USH2A: variants seen among roughly 807,000 people sequenced by gnomAD.
The protein encoded by USH2A is usherin.
USH2A carries 443 observed loss-of-function variants against 538.9 expected under a neutral mutation model. That is an observed-to-expected ratio of 0.82 (90% CI 0.76 to 0.89). The LOEUF (loss-of-function observed/expected upper bound fraction) is 0.89, where lower values mean the gene tolerates loss of function less well. Among genes scored for constraint, USH2A ranks in the 40% least tolerant of loss-of-function variants. The pLI is 0.00. For synonymous variants in USH2A, 2,413 were observed against 2,273.5 expected (o/e 1.06, Z -1.75); for missense variants, 6,633 against 6,324.8 (o/e 1.05, Z -1.65).
chr1:216,307,144 C>T (rs949769310), intron 9 of USH2A, among the ~76,000 whole-genome samples: 1 of 151,982 alleles, frequency 6.6e-6, no homozygotes, highest in Non-Finnish European at 1.5e-5. Flanking sequence ...GAGATTATGT[C>T]CTTTGTCTGG....
rs41277206 is a variant in USH2A at position 215,934,573 on chromosome 1, G to A, written c.7300+43C>T. The A allele has an allele frequency of 0.035, 56,222 of 1,584,404 alleles. 1,167 individuals are homozygous for A. Among genetic ancestry groups the A allele is most frequent in the Middle Eastern group, 0.065 (388 of 5,946 alleles). Reference sequence around the variant, plus strand: ...TATTCAATGGAAACTTAATTCTAGGGCATTTATATAAAATTAGATAGCCAA... The same window carrying A: ...TATTCAATGGAAACTTAATTCTAGGACATTTATATAAAATTAGATAGCCAA... On this transcript the variant is annotated intron_variant, in intron 38 of 71. Coordinates refer to ENST00000307340, the MANE Select transcript of USH2A (RefSeq NM_206933.4).
At chr1:216,100,982 A>G (rs2032564131) in intron 21 of USH2A, among the ~76,000 whole-genome samples, 5 of 152,184 alleles carry the variant, frequency 3.3e-5, no homozygotes, top group Non-Finnish European at 7.4e-5. Flanking sequence ...GCTATAGTAT[A>G]AAAAAAGGCA....
intron 47 of USH2A, among the ~76,000 whole-genome samples, chr1:215,832,438 C>T (rs548190903): frequency 1.3e-4 from 20 of 151,912 alleles, no homozygotes; most frequent in African/African-American, 3.4e-4. Flanking sequence ...TATGTCACAA[C>T]GAAGTTCTGG....
At chr1:216,089,232 A>C in intron 22 of USH2A, 93 bp from the exon 23 acceptor site, 3 of 1,346,472 alleles carry the variant, frequency 2.2e-6, no homozygotes, top group Non-Finnish European at 3.2e-6. Context: ...ACAAGTTTCA[A>C]GATTATGATC....
At chr1:216,418,976 A>G (rs778865860) in intron 2 of USH2A, among the ~76,000 whole-genome samples, 1 of 152,136 alleles carries the variant, frequency 6.6e-6, no homozygotes, top group East Asian at 1.9e-4. Context: ...CAAAACTAAC[A>G]TTTAGGTTAT....
rs368377817 is a variant in USH2A, at chr1:215,889,082, C to A, written c.7595-28G>T. ...GTAAAGTAAAATAAATCCAGAAAGTCAGACCTCTTGGAAATGTCCCACCTC... is the reference window on the plus strand; with the variant it reads ...GTAAAGTAAAATAAATCCAGAAAGTAAGACCTCTTGGAAATGTCCCACCTC... On this transcript the variant is annotated intron_variant, in intron 40 of 71. Transcript: ENST00000307340. 181 of 1,610,556 alleles carry A rather than the reference C, an allele frequency of 1.1e-4. No individual in the cohort carries two copies. In the African/African-American group the frequency reaches 1.7e-3, roughly 15 times the overall value.
At chr1:215,923,164 T>G (rs1368191109) in intron 38 of USH2A, among the ~76,000 whole-genome samples, 3 of 152,070 alleles carry the variant, frequency 2.0e-5, no homozygotes, top group Non-Finnish European at 4.4e-5. Flanking sequence ...TCTCAAGCAT[T>G]GTGGCAAATG....
chr1:216,232,117 G>A lies in USH2A; in HGVS notation c.2829C>T (p.Gly943=), dbSNP rs397518007. 6.2e-7 allele frequency: 1 copy of A among 1,613,320 alleles called. No homozygotes were observed. The highest frequency in any genetic ancestry group is 8.5e-7 in the Non-Finnish European group (1 of 1,179,662). The change falls in exon 14 of 72, where the codon GGC becomes GGT. Residue 943 remains glycine (G), a synonymous_variant. Transcript: ENST00000307340. ...AGCATGGCAGGCAGCCAGTGGCATTGCCTGGAGAAATATAAAAACCTAGAA... is the reference window on the plus strand; with the variant it reads ...AGCATGGCAGGCAGCCAGTGGCATTACCTGGAGAAATATAAAAACCTAGAA... ...QCQPGFYISP[G]NATGCLPCSC...
At chr1:215,783,750 A>C (rs2102764309) in intron 52 of USH2A, among the ~76,000 whole-genome samples, 1 of 152,288 alleles carries the variant, frequency 6.6e-6, no homozygotes, top group Admixed American at 6.5e-5. Context: ...AATTTTAAGT[A>C]AGTATGTATG....
intron 22 of USH2A, among the ~76,000 whole-genome samples, chr1:216,095,397 G>T (rs1032320154): frequency 6.6e-6 from 1 of 152,096 alleles, no homozygotes; most frequent in African/African-American, 2.4e-5. Flanking sequence ...CTTCCATTAT[G>T]TAATTGAATC....
At chr1:215,958,277 AT>A (rs1218993435) in intron 37 of USH2A, among the ~76,000 whole-genome samples, 1 of 152,036 alleles carries the variant, frequency 6.6e-6, no homozygotes, top group Non-Finnish European at 1.5e-5. Context: ...GTTTTTCAAG[AT>A]TTTTTAGAGA....
chr1:215,832,966 G>A (rs1663367859), intron 47 of USH2A, among the ~76,000 whole-genome samples: 1 of 151,712 alleles, frequency 6.6e-6, no homozygotes, highest in Non-Finnish European at 1.5e-5. Flanking sequence ...AATAATAATA[G>A]CACCCCCCAA....
chr1:216,316,239 CAG>C (rs1476037970), intron 9 of USH2A, among the ~76,000 whole-genome samples: 6 of 152,040 alleles, frequency 3.9e-5, no homozygotes, highest in African/African-American at 1.4e-4. Context: ...TCAGAGTAAA[CAG>C]TGTCTTTGCT....
chr1:215,968,239 A>T (rs939853168), intron 36 of USH2A, among the ~76,000 whole-genome samples: 2 of 152,148 alleles, frequency 1.3e-5, no homozygotes, highest in African/African-American at 4.8e-5. Context: ...AGGCTTTGTC[A>T]ATTGTTTTCT....
intron 61 of USH2A, among the ~76,000 whole-genome samples, chr1:215,717,661 T>C (rs932655268): frequency 6.6e-6 from 1 of 152,336 alleles, no homozygotes; most frequent in Non-Finnish European, 1.5e-5. Context: ...AGAAATATGG[T>C]GAAAAACTGA....
chr1:216,372,588 C>G (rs1251250659), intron 3 of USH2A, among the ~76,000 whole-genome samples: 1 of 151,858 alleles, frequency 6.6e-6, no homozygotes, highest in African/African-American at 2.4e-5. Flanking sequence ...TTTGTCCTAT[C>G]TTGACTGGAT....
intron 60 of USH2A, among the ~76,000 whole-genome samples, chr1:215,735,428 T>C (rs776272985): frequency 1.3e-5 from 2 of 152,188 alleles, no homozygotes; most frequent in Admixed American, 6.5e-5. Flanking sequence ...TCTTTCTTGA[T>C]CAGACTTTGA....
Position 216,246,903 on chromosome 1 carries a change from C to G in USH2A, c.2491G>C (p.Glu831Gln), listed in dbSNP as rs1558341791. ...VEGRQCNKCL[E>Q]GNFYLRQNNS... The stretch of plus-strand genomic sequence containing the variant: ...TTTTGCCGTAGGTAGAAGTTTCCCT[C>G]CAAACATTTATTGCACTGTCTCCCT... Residue 831 changes from glutamate (E) to glutamine (Q), a missense_variant, in exon 13 of 72, where the codon GAG (glutamate) becomes CAG (glutamine). Coordinates refer to ENST00000307340, the MANE Select transcript of USH2A (RefSeq NM_206933.4). 1 of 1,614,122 alleles carries G rather than the reference C, an allele frequency of 6.2e-7. No individual in the cohort carries two copies. Among genetic ancestry groups the G allele is most frequent in the East Asian group, 2.2e-5 (1 of 44,864 alleles).
chr1:216,115,112 T>TTTTTG lies in USH2A; in HGVS notation c.4628-17904_4628-17900dup, dbSNP rs144536893. On this transcript the variant is annotated intron_variant, in intron 21 of 71. Transcript: ENST00000307340. Reference sequence around the variant, plus strand: ...CCTTACATACCAAGATATTTATTTATTTTTGTTTTGTTTTGTTTTGTTTTG... The same window carrying TTTTTG: ...CCTTACATACCAAGATATTTATTTATTTTTGTTTTGTTTTGTTTTGTTTTGTTTTG... Among the ~76,000 whole-genome samples the TTTTTG allele has an allele frequency of 8.4e-3, 1,248 of 148,558 alleles. 7 individuals are homozygous for TTTTTG. The highest frequency in any genetic ancestry group is 0.026 in the South Asian group (119 of 4,584).
Sources: allele counts gnomAD v4.1 joint callset (sites outside exome capture counted in the v4.1 genomes callset), GRCh38; gene constraint gnomAD v4.1.1; transcripts MANE v1.5; gene names NCBI Gene and HGNC (gene_info 2026-07-23, HGNC 2026-07-21).